ADGRA1: variants seen among roughly 807,000 people sequenced by gnomAD.
ADGRA1 encodes the protein G-protein coupled receptor 123.
In ADGRA1, 12 loss-of-function variants were observed where a neutral mutation model predicts 21.3. The ratio of observed to expected loss-of-function variants is 0.56; its 90% confidence interval spans 0.36 to 0.91. ADGRA1 has a LOEUF of 0.91. Ranked by LOEUF, ADGRA1 falls within the 40% of genes least tolerant of loss-of-function variation. The probability of loss-of-function intolerance (pLI) is 0.01; values close to 1 mark genes in which losing one functional copy is unlikely to be tolerated. For missense variants in ADGRA1, 790 were observed against 805.6 expected, an observed-to-expected ratio of 0.98 and a Z score of 0.23; for synonymous variants, 385 against 368.8, an observed-to-expected ratio of 1.04 and a Z score of -0.50.
At chr10:133,091,390 A>G (rs566295810) in intron 2 of ADGRA1, among the ~76,000 whole-genome samples, 11 of 151,440 alleles carry the variant, frequency 7.3e-5, no homozygotes, top group Admixed American at 1.3e-4. Context: ...GCTGTGGGAT[A>G]TGGTGTGGTG....
chr10:133,095,834 T>C, intron 2 of ADGRA1: 1 of 1,566,176 alleles, frequency 6.4e-7, no homozygotes, highest in Non-Finnish European at 8.6e-7. Context: ...CCTCTCCACT[T>C]CCCGCCTCAC....
intron 4 of ADGRA1, 128 bp downstream of exon 4, chr10:133,098,891 C>T (rs566644337): frequency 3.4e-5 from 43 of 1,279,140 alleles, no homozygotes; most frequent in East Asian, 2.1e-4. Flanking sequence ...CCTGGCACAT[C>T]GGTGTCTCGG....
rs1245802898 is a variant in ADGRA1, at chr10:133,097,056, T to A, written c.86T>A (p.Leu29Gln). 1 of 1,610,308 alleles carries A rather than the reference T, an allele frequency of 6.2e-7. No homozygotes were observed. Among genetic ancestry groups the A allele is most frequent in the Non-Finnish European group, 8.5e-7 (1 of 1,180,016 alleles). Reference protein sequence around the residue: ...PVVYACTAVMLLCLLASFVTY... With the variant: ...PVVYACTAVMQLCLLASFVTY... ...GTGTACGCGTGCACGGCCGTCATGC[T>A]GCTCTGCCTCCTGGCCTCCTTCGTC... The change falls in exon 3 of 7, where the codon CTG becomes CAG. Residue 29 changes from leucine (L) to glutamine (Q), a missense_variant. By Grantham distance (113) the Leu-to-Gln change is moderately radical. Around this residue, in one of 3 missense-constraint regions of ADGRA1, gnomAD observed 382 missense variants for 415.6 expected, o/e 0.92. Transcript: ENST00000392607.
At chr10:133,127,838 T>G (rs573570982) in intron 6 of ADGRA1, among the ~76,000 whole-genome samples, 1,820 of 48,762 alleles carry the variant, frequency 0.037, 63 homozygotes, top group Middle Eastern at 0.081. Flanking sequence ...CCCACCCAGC[T>G]CCACCTCCGC....
At chr10:133,100,148 C>T (rs1425331319) in intron 4 of ADGRA1, among the ~76,000 whole-genome samples, 1 of 152,256 alleles carries the variant, frequency 6.6e-6, no homozygotes, top group African/African-American at 2.4e-5. Context: ...TCATGCCAGA[C>T]TGCCAGGAGG....
chr10:133,129,477 G>A lies in ADGRA1; in HGVS notation c.1649G>A (p.Arg550Gln), dbSNP rs1164254456. 1.9e-6 allele frequency: 3 copies of A among 1,598,282 alleles called. No individual in the cohort carries two copies. The highest frequency in any genetic ancestry group is 2.5e-6 in the Non-Finnish European group (3 of 1,179,306). The change falls in exon 7 of 7, where the codon CGA (arginine) becomes CAA (glutamine). Residue 550 changes from arginine to glutamine, a missense_variant. Coordinates refer to ENST00000392607, the MANE Select transcript of ADGRA1 (RefSeq NM_001083909.3). ...PFGTDGTGNI[R>Q]TGPWKNETTV ...GGCACCGACGGGACCGGCAACATCC[G>A]AACGGGACCCTGGAAAAACGAAACT...
chr10:133,119,524 AT>A (rs1308705899), intron 5 of ADGRA1, among the ~76,000 whole-genome samples: 1 of 152,268 alleles, frequency 6.6e-6, no homozygotes, highest in Non-Finnish European at 1.5e-5. Context: ...AACTGGAGTC[AT>A]CCTCTCAAAC....
At chr10:133,115,293 C>T (rs1234101343) in intron 5 of ADGRA1, among the ~76,000 whole-genome samples, 3 of 152,214 alleles carry the variant, frequency 2.0e-5, no homozygotes, top group Non-Finnish European at 2.9e-5. Flanking sequence ...TCCACATCGC[C>T]TCCAGCAGGG....
chr10:133,105,973 G>A (rs78322640), intron 5 of ADGRA1, among the ~76,000 whole-genome samples: 2,911 of 152,308 alleles, frequency 0.019, 40 homozygotes, highest in Non-Finnish European at 0.027. Flanking sequence ...CTTTCTAGAT[G>A]GGGATTCACC....
At chr10:133,122,869 G>A (rs1471884771) in intron 5 of ADGRA1, among the ~76,000 whole-genome samples, 9 of 152,232 alleles carry the variant, frequency 5.9e-5, no homozygotes, top group African/African-American at 9.6e-5. Context: ...GCGTCCCCAG[G>A]CTGCACTGGC....
intron 5 of ADGRA1, among the ~76,000 whole-genome samples, chr10:133,103,453 G>A (rs555245318): frequency 6.6e-5 from 10 of 152,298 alleles, no homozygotes; most frequent in Non-Finnish European, 1.3e-4. Flanking sequence ...TGTGAGGCCC[G>A]GTTGCTGGGA....
chr10:133,101,678 C>T (rs149287007), intron 4 of ADGRA1, among the ~76,000 whole-genome samples: 6 of 152,302 alleles, frequency 3.9e-5, no homozygotes, highest in African/African-American at 9.6e-5. Context: ...CTCCTCGACA[C>T]GGTGCCCCAT....
At chr10:133,111,304 G>A (rs530953594) in intron 5 of ADGRA1, among the ~76,000 whole-genome samples, 6 of 65,534 alleles carry the variant, frequency 9.2e-5, no homozygotes, top group South Asian at 7.6e-4. Flanking sequence ...GCCCCCCCGG[G>A]AACCATCCCT....
chr10:133,094,496 C>T (rs959820788), intron 2 of ADGRA1, among the ~76,000 whole-genome samples: 5 of 152,166 alleles, frequency 3.3e-5, no homozygotes, highest in African/African-American at 1.2e-4. Flanking sequence ...TGCAGGAAGG[C>T]GCGGCGGCCA....
chr10:133,115,558 C>T (rs374880704), intron 5 of ADGRA1, among the ~76,000 whole-genome samples: 8 of 152,328 alleles, frequency 5.3e-5, no homozygotes, highest in African/African-American at 7.2e-5. Flanking sequence ...CAGAAGGGCG[C>T]GCAGTGCTAG....
intron 4 of ADGRA1, among the ~76,000 whole-genome samples, 160 bp downstream of exon 4, chr10:133,098,923 A>G (rs1276711661): frequency 6.6e-6 from 1 of 152,150 alleles, no homozygotes; most frequent in Admixed American, 6.5e-5. Flanking sequence ...GCAAGTCCAC[A>G]TGCTCCACGT....
chr10:133,096,046 C>G (rs2135868213), intron 2 of ADGRA1, among the ~76,000 whole-genome samples: 1 of 152,358 alleles, frequency 6.6e-6, no homozygotes, highest in East Asian at 1.9e-4. Flanking sequence ...TGGCACCCAC[C>G]CTGCTCGCCT....
chr10:133,111,788 C>T (rs1852016429), intron 5 of ADGRA1, among the ~76,000 whole-genome samples: 1 of 149,964 alleles, frequency 6.7e-6, no homozygotes, highest in African/African-American at 2.5e-5. Context: ...CTAATCCCTC[C>T]AGACCACCTG....
At chr10:133,115,784 C>G (rs569756345) in intron 5 of ADGRA1, among the ~76,000 whole-genome samples, 1 of 152,154 alleles carries the variant, frequency 6.6e-6, no homozygotes. Context: ...AAGAGGGCCA[C>G]GTTCCCTTGT....
Sources: allele counts gnomAD v4.1 joint callset (sites outside exome capture counted in the v4.1 genomes callset), GRCh38; gene constraint gnomAD v4.1.1; regional missense constraint gnomAD v4.1.1; transcripts MANE v1.5; gene names NCBI Gene and HGNC (gene_info 2026-07-23, HGNC 2026-07-21).